BCAR3: variants seen among roughly 807,000 people sequenced by gnomAD.
BCAR3 encodes breast cancer anti-estrogen resistance protein 3.
In BCAR3, 37 loss-of-function variants were observed where a neutral mutation model predicts 80.1. The observed-to-expected ratio is 0.46, with a 90% CI of 0.36 to 0.61. The LOEUF (loss-of-function observed/expected upper bound fraction) is 0.61. Ranked by LOEUF, BCAR3 falls within the 20% of genes least tolerant of loss-of-function variation. The pLI, the probability that BCAR3 is intolerant of heterozygous loss-of-function variation, is 0.00. For synonymous variants in BCAR3, 389 were observed against 418.9 expected (o/e 0.93, Z 0.87); for missense variants, 978 against 1,068.2 (o/e 0.92, Z 1.18).
intron 2 of BCAR3, among the ~76,000 whole-genome samples, chr1:93,773,528 A>T (rs1427704566): frequency 2.0e-5 from 3 of 152,144 alleles, no homozygotes; most frequent in Non-Finnish European, 4.4e-5. Flanking sequence ...AATCCACTTG[A>T]TCTCTGGTCA....
intron 3 of BCAR3, among the ~76,000 whole-genome samples, chr1:93,703,777 A>C (rs1292341362): frequency 6.6e-6 from 1 of 152,202 alleles, no homozygotes; most frequent in African/African-American, 2.4e-5. Context: ...CAAGGTGCAT[A>C]AGGCCCTCTG....
At chr1:93,567,140 AGC>A (rs1672983997) in intron 11 of BCAR3, 137 bp downstream of exon 11, 1 of 1,019,960 alleles carries the variant, frequency 9.8e-7, no homozygotes, top group African/African-American at 1.6e-5. Context: ...AGTAATAACT[AGC>A]CATATAGGAA....
intron 3 of BCAR3, among the ~76,000 whole-genome samples, chr1:93,633,069 T>C (rs1487992567): frequency 2.0e-5 from 3 of 152,152 alleles, no homozygotes; most frequent in Non-Finnish European, 4.4e-5. Flanking sequence ...TTAGTGGTCA[T>C]ATAAAAATAG....
chr1:93,810,508 G>T (rs979607977), intron 2 of BCAR3, among the ~76,000 whole-genome samples: 1 of 152,104 alleles, frequency 6.6e-6, no homozygotes, highest in Non-Finnish European at 1.5e-5. Context: ...GCCAGGTCAG[G>T]AACCCTAGGA....
rs1557850639 is a variant in BCAR3, at chr1:93,592,517, G to A, written c.358-124C>T. ...CTACAGCCTGCATTCAGGTAGGGGA[G>A]CCTGGATAATGATTACAAAGAGCTG... On this transcript the variant is annotated intron_variant, in intron 3 of 11. Coordinates refer to ENST00000260502, the MANE Select transcript of BCAR3 (RefSeq NM_003567.4). This position sits in a 1 kb window ranked among gnomAD's most constrained non-coding sequence, Gnocchi z 4.8. 3 of 1,307,280 alleles carry A rather than the reference G, an allele frequency of 2.3e-6. No individual in the cohort carries two copies. The highest frequency in any genetic ancestry group is 2.5e-5 in the Admixed American group (1 of 40,294). The allele number at this position is 1,307,280 out of a possible 1,614,324, so 81.0% of individuals were successfully genotyped here.
At chr1:93,725,063 T>C (rs758424850) in intron 2 of BCAR3, among the ~76,000 whole-genome samples, 11 of 152,242 alleles carry the variant, frequency 7.2e-5, no homozygotes, top group Non-Finnish European at 1.6e-4. Context: ...CTCTGCTTTG[T>C]CTTTCGTAGC....
At chr1:93,749,999 G>A (rs1010448001) in intron 2 of BCAR3, among the ~76,000 whole-genome samples, 2 of 151,674 alleles carry the variant, frequency 1.3e-5, no homozygotes, top group African/African-American at 4.9e-5. Flanking sequence ...ATTGGTCTCA[G>A]TTGAAGGAAT....
At chr1:93,615,082 A>G (rs1427163779) in intron 3 of BCAR3, among the ~76,000 whole-genome samples, 1 of 145,942 alleles carries the variant, frequency 6.9e-6, no homozygotes, top group Non-Finnish European at 1.5e-5. Flanking sequence ...CGCTCCAAAT[A>G]TTAACTTTTT....
rs1400307176 is a variant in BCAR3, at chr1:93,592,459, T to C, written c.358-66A>G. The C allele has an allele frequency of 1.3e-6, 2 of 1,510,814 alleles. No homozygotes were observed. Among genetic ancestry groups the C allele is most frequent in the African/African-American group, 2.8e-5 (2 of 71,358 alleles). 93.6% of individuals were successfully genotyped at this position (1,510,814 alleles called of 1,614,324 possible). ...CACACCAGGCCATGCCAGCTGGAGG[T>C]GACCGCCTGCTTCACTAATCCAACC... is the stretch of plus-strand genomic sequence containing the variant. On this transcript the variant is annotated intron_variant, in intron 3 of 11. Coordinates refer to ENST00000260502, the MANE Select transcript of BCAR3 (RefSeq NM_003567.4). The surrounding 1 kb of genome is among the most constrained non-coding windows in gnomAD (Gnocchi z 4.8).
At chr1:93,819,804 G>C (rs994463310) in intron 2 of BCAR3, among the ~76,000 whole-genome samples, 1 of 152,050 alleles carries the variant, frequency 6.6e-6, no homozygotes, top group African/African-American at 2.4e-5. Context: ...TACAAATGCA[G>C]GTTTGTTACA....
intron 2 of BCAR3, among the ~76,000 whole-genome samples, chr1:93,749,012 T>C (rs1209217173): frequency 6.6e-6 from 1 of 152,182 alleles, no homozygotes; most frequent in African/African-American, 2.4e-5. Context: ...AACTAAATTA[T>C]CATTAAGTTT....
intron 2 of BCAR3, among the ~76,000 whole-genome samples, chr1:93,755,489 C>T (rs1651711340): frequency 6.6e-6 from 1 of 152,170 alleles, no homozygotes; most frequent in Non-Finnish European, 1.5e-5. Flanking sequence ...TATGTTCAGA[C>T]ATGTTTAGAT....
At chr1:93,785,960 G>A (rs1173597990) in intron 2 of BCAR3, among the ~76,000 whole-genome samples, 5 of 115,464 alleles carry the variant, frequency 4.3e-5, no homozygotes, top group African/African-American at 9.3e-5. Context: ...TTGGGAGGCC[G>A]AGGCGGGCGG....
intron 2 of BCAR3, among the ~76,000 whole-genome samples, chr1:93,775,650 A>G (rs1652520144): frequency 2.6e-5 from 4 of 152,228 alleles, no homozygotes; most frequent in African/African-American, 9.6e-5. Flanking sequence ...TTCAGGGACC[A>G]ATTTGAAATA....
chr1:93,578,080 G>T (rs1027125303), intron 7 of BCAR3, among the ~76,000 whole-genome samples: 7 of 152,200 alleles, frequency 4.6e-5, no homozygotes, highest in Admixed American at 4.6e-4. Flanking sequence ...GGGCAGGGTG[G>T]CAGAAGCACC....
chr1:93,624,354 A>ATG (rs1380374559), intron 3 of BCAR3, among the ~76,000 whole-genome samples: 6 of 152,228 alleles, frequency 3.9e-5, no homozygotes, highest in Admixed American at 3.3e-4. Flanking sequence ...TTTCCAGGTC[A>ATG]AAGGACAGGA....
intron 3 of BCAR3, among the ~76,000 whole-genome samples, chr1:93,610,938 A>C (rs1283625759): frequency 6.6e-6 from 1 of 151,320 alleles, no homozygotes; most frequent in Non-Finnish European, 1.5e-5. Flanking sequence ...AAAAAGAAAG[A>C]GCACTAGGCT....
chr1:93,762,815 T>A (rs139108228), intron 2 of BCAR3, among the ~76,000 whole-genome samples: 17 of 152,044 alleles, frequency 1.1e-4, no homozygotes, highest in African/African-American at 4.1e-4. Context: ...ACTCTCTCTC[T>A]CTCCCTCCTG....
intron 2 of BCAR3, among the ~76,000 whole-genome samples, chr1:93,711,073 G>A (rs1200811077): frequency 6.6e-6 from 1 of 152,176 alleles, no homozygotes; most frequent in African/African-American, 2.4e-5. Context: ...GCTTCTCCCA[G>A]AATGAATGAT....
Sources: gnomAD v4.1 joint callset for allele counts (sites outside exome capture counted in the v4.1 genomes callset) on GRCh38, gnomAD v4.1.1 for gene constraint, Gnocchi (gnomAD v3.1) non-coding constraint, MANE v1.5 for transcripts, NCBI Gene and HGNC (gene_info 2026-07-23, HGNC 2026-07-21) for gene names.